The following CCDC7 variants were observed in gnomAD, a reference collection of about 807,000 sequenced individuals.
CCDC7 encodes the protein coiled-coil domain-containing protein 7.
Under a neutral mutation model 196.9 loss-of-function variants are expected in CCDC7, and 183 were observed. The ratio of observed to expected loss-of-function variants is 0.93; its 90% CI spans 0.82 to 1.05. The LOEUF is 1.05. Ranked by LOEUF, CCDC7 falls within the 50% of genes least tolerant of loss-of-function variation. CCDC7 has a pLI of 0.00. For missense variants in CCDC7, 1,540 were observed against 1,482.2 expected, an observed-to-expected ratio of 1.04 and a Z score of -0.64; for synonymous variants, 525 against 484.6, an observed-to-expected ratio of 1.08 and a Z score of -1.10.
intron 32 of CCDC7, among the ~76,000 whole-genome samples, chr10:32,824,988 T>G (rs11009102): frequency 0.09 from 13,775 of 152,290 alleles, 887 homozygotes; most frequent in East Asian, 0.33. Flanking sequence ...GGTTACCCAT[T>G]CCCTCTCATA....
At chr10:32,448,733 G>C (rs902347256), upstream of CCDC7, among the ~76,000 whole-genome samples, 1 of 151,932 alleles carries the variant, frequency 6.6e-6, no homozygotes, top group Non-Finnish European at 1.5e-5. Context: ...ATTAGATACT[G>C]CTTCTCCAAA....
chr10:32,564,236 A>G (rs75628487), intron 13 of CCDC7, among the ~76,000 whole-genome samples: 5 of 152,236 alleles, frequency 3.3e-5, no homozygotes, highest in African/African-American at 1.2e-4. Context: ...TGTGGAAGGC[A>G]GTGTGGCGAT....
intron 25 of CCDC7, among the ~76,000 whole-genome samples, chr10:32,718,875 G>C (rs1332577796): frequency 6.6e-6 from 1 of 152,166 alleles, no homozygotes; most frequent in East Asian, 1.9e-4. Context: ...AGTAAGAGAA[G>C]AGATAAACCA....
chr10:32,530,701 T>C (rs963476182), intron 11 of CCDC7, among the ~76,000 whole-genome samples: 5 of 152,210 alleles, frequency 3.3e-5, no homozygotes, highest in African/African-American at 1.2e-4. Context: ...ATATTATCTG[T>C]GAACAAGGCT....
chr10:32,841,506 T>C (rs2092968048), intron 33 of CCDC7, among the ~76,000 whole-genome samples: 1 of 151,718 alleles, frequency 6.6e-6, no homozygotes, highest in Non-Finnish European at 1.5e-5. Context: ...CTGAAGGAAA[T>C]CCTAGACGAC....
At chr10:32,562,135 G>T (rs920436181) in intron 13 of CCDC7, among the ~76,000 whole-genome samples, 5 of 152,102 alleles carry the variant, frequency 3.3e-5, no homozygotes, top group African/African-American at 7.2e-5. Flanking sequence ...CGAATAACAG[G>T]CTCTGAAATT....
chr10:32,793,895 G>A (rs1181849502), intron 29 of CCDC7, among the ~76,000 whole-genome samples: 1 of 152,174 alleles, frequency 6.6e-6, no homozygotes, highest in African/African-American at 2.4e-5. Context: ...GCAGTTGTGT[G>A]AAATAGTTTC....
At chr10:32,594,189 T>C (rs1174667486) in intron 18 of CCDC7, among the ~76,000 whole-genome samples, 1 of 152,244 alleles carries the variant, frequency 6.6e-6, no homozygotes. Flanking sequence ...GAGCATGGAA[T>C]GTTCTTCCAT....
chr10:32,879,850 C>T (rs960989465), downstream of CCDC7, among the ~76,000 whole-genome samples: 10 of 151,862 alleles, frequency 6.6e-5, no homozygotes, highest in African/African-American at 1.5e-4. Context: ...TAATGACTTC[C>T]AGCTCCAACC....
At chr10:32,862,305 C>G (rs1039811026) in intron 41 of CCDC7, among the ~76,000 whole-genome samples, 1 of 151,600 alleles carries the variant, frequency 6.6e-6, no homozygotes, top group African/African-American at 2.4e-5. Context: ...TCACAGCAAA[C>G]TAACACAAGA....
intron 41 of CCDC7, among the ~76,000 whole-genome samples, chr10:32,872,367 C>CT (rs1379728057): frequency 6.6e-6 from 1 of 151,724 alleles, no homozygotes; most frequent in African/African-American, 2.4e-5. Flanking sequence ...CAACCCCTGC[C>CT]TTTTTTTGTT....
At chr10:32,497,341 A>T (rs749011603) in intron 9 of CCDC7, among the ~76,000 whole-genome samples, 11 of 152,124 alleles carry the variant, frequency 7.2e-5, no homozygotes, top group Non-Finnish European at 1.5e-4. Context: ...TCAAAAAACC[A>T]GCTCCTGGAT....
chr10:32,861,115 CAAAA>C (rs142801821), intron 41 of CCDC7, among the ~76,000 whole-genome samples: 12 of 97,126 alleles, frequency 1.2e-4, no homozygotes, highest in South Asian at 4.1e-4. Context: ...CAATCATAAG[CAAAA>C]AAAAAAAAAA....
chr10:32,829,111 G>A (rs1439052851), intron 32 of CCDC7, among the ~76,000 whole-genome samples: 1 of 152,194 alleles, frequency 6.6e-6, no homozygotes, highest in Admixed American at 6.5e-5. Context: ...AGATCAGGAA[G>A]AGTATGCATG....
intron 29 of CCDC7, among the ~76,000 whole-genome samples, chr10:32,801,291 C>T (rs535717980): frequency 6.6e-6 from 1 of 152,318 alleles, no homozygotes; most frequent in African/African-American, 2.4e-5. Context: ...TCTCCTAAGA[C>T]TTTGGATCTT....
intron 8 of CCDC7, chr10:32,481,607 T>C (rs963996881): frequency 6.6e-6 from 1 of 152,204 alleles, no homozygotes; most frequent in African/African-American, 2.4e-5. Flanking sequence ...TATACACACT[T>C]TCACCAGTGA....
intron 39 of CCDC7, among the ~76,000 whole-genome samples, chr10:32,849,852 C>T (rs1428543686): frequency 2.0e-5 from 3 of 152,080 alleles, no homozygotes; most frequent in African/African-American, 4.8e-5. Context: ...AATTGCCATA[C>T]GCAGAACTGA....
chr10:32,814,287 C>T, intron 30 of CCDC7, 83 bp from the exon 32 acceptor site: 2 of 946,976 alleles, frequency 2.1e-6, no homozygotes, highest in Admixed American at 1.8e-5. Context: ...AACACACACA[C>T]ATATATGTAC....
intron 18 of CCDC7, among the ~76,000 whole-genome samples, chr10:32,585,722 G>T (rs890474639): frequency 2.0e-5 from 3 of 152,156 alleles, no homozygotes; most frequent in Admixed American, 6.5e-5. Context: ...TTTTATGGCT[G>T]CATAGTATTC....
Sources: allele counts gnomAD v4.1 joint callset (sites outside exome capture counted in the v4.1 genomes callset), GRCh38; gene constraint gnomAD v4.1.1; transcripts MANE v1.5; gene names NCBI Gene and HGNC (gene_info 2026-07-23, HGNC 2026-07-21).